The following SIPA1L2 variants were observed in gnomAD, a reference collection of about 807,000 sequenced individuals.
SIPA1L2 encodes the protein signal induced proliferation associated 1 like 2.
A neutral mutation model predicts 163.9 loss-of-function variants in SIPA1L2; 56 were observed. The observed-to-expected ratio is 0.34, with a 90% CI of 0.28 to 0.43. The LOEUF (loss-of-function observed/expected upper bound fraction) is 0.43. Ranked by LOEUF, SIPA1L2 falls within the 20% of genes least tolerant of loss-of-function variation. The probability of loss-of-function intolerance (pLI) is 1.00; values close to 1 mark genes in which losing one functional copy is unlikely to be tolerated. For missense variants in SIPA1L2, 1,974 were observed against 2,193.5 expected (o/e 0.90, Z 2.00); for synonymous variants, 877 against 865.7 (o/e 1.01, Z -0.23).
At chr1:232,455,273 T>C (rs1228431306) in intron 10 of SIPA1L2, among the ~76,000 whole-genome samples, 1 of 152,142 alleles carries the variant, frequency 6.6e-6, no homozygotes, top group Non-Finnish European at 1.5e-5. Flanking sequence ...TACAAATAAG[T>C]TGGAACTCGA....
In SIPA1L2 at chr1:232,606,296, CT is replaced by C. The variant is rs1350078957; in HGVS notation, c.-319+23572del. Among the ~76,000 whole-genome samples, 6 of 151,886 alleles carry C rather than the reference CT, an allele frequency of 4.0e-5. No individual in the cohort carries two copies. The East Asian group carries it at 9.6e-4, about 24-fold the overall frequency. ...TTAACAGGCGTGAAAGAGGAATGAA[CT>C]TTTTTTTGAGACCTCATAACTTACA... On this transcript the variant is annotated intron_variant, in intron 1 of 22. Coordinates refer to ENST00000674635, the MANE Select transcript of SIPA1L2 (RefSeq NM_020808.5).
In SIPA1L2 at chr1:232,461,039, C is replaced by A. The variant is rs371250467; in HGVS notation, c.2943G>T (p.Trp981Cys). 8.4e-5 allele frequency: 135 copies of A among 1,614,164 alleles called. No individual in the cohort carries two copies. The highest frequency in any genetic ancestry group is 1.0e-4 in the Non-Finnish European group (123 of 1,180,060). The change falls in exon 10 of 23, where the codon TGG (tryptophan) becomes TGT (cysteine). Residue 981 changes from tryptophan to cysteine, a missense_variant. Physicochemically the swap from Trp to Cys is radical, Grantham distance 215 (BLOSUM62 -2). This residue lies in a region of SIPA1L2 where 1,079 missense variants were observed against 1,150.7 expected (regional missense o/e 0.94). Coordinates refer to ENST00000674635, the MANE Select transcript of SIPA1L2 (RefSeq NM_020808.5). ...GGCTCCCTTGGCGAAGGCCAGCCTT[C>A]CAGGCAAAGCCAAAAGGTTCCACAT... ...VADVEPFGFA[W>C]KAGLRQGSRL...
intron 2 of SIPA1L2, among the ~76,000 whole-genome samples, chr1:232,553,198 T>G (rs1281627365): frequency 6.6e-6 from 1 of 152,116 alleles, no homozygotes; most frequent in African/African-American, 2.4e-5. Context: ...CATCTTCCCC[T>G]GGAGTTTGGC....
At chr1:232,578,826 A>C (rs1461954835) in intron 1 of SIPA1L2, among the ~76,000 whole-genome samples, 1 of 152,180 alleles carries the variant, frequency 6.6e-6, no homozygotes, top group African/African-American at 2.4e-5. Context: ...CAAATTCTTC[A>C]AGTAGCAATA....
At chr1:232,600,615 A>C (rs537197686) in intron 1 of SIPA1L2, among the ~76,000 whole-genome samples, 12 of 152,324 alleles carry the variant, frequency 7.9e-5, no homozygotes, top group Admixed American at 7.8e-4. Context: ...AAAAAAGATA[A>C]TAACCTAAAT....
At chr1:232,560,074 G>T (rs1478935189) in intron 2 of SIPA1L2, among the ~76,000 whole-genome samples, 2 of 152,146 alleles carry the variant, frequency 1.3e-5, no homozygotes, top group African/African-American at 4.8e-5. Context: ...TGGACTTTCA[G>T]GGCCCACAAA....
At chr1:232,463,686 AG>A (rs1263295714) in intron 9 of SIPA1L2, among the ~76,000 whole-genome samples, 1 of 152,206 alleles carries the variant, frequency 6.6e-6, no homozygotes, top group East Asian at 1.9e-4. Context: ...TATGCTAAAA[AG>A]AAGTATTTGC....
intron 2 of SIPA1L2, among the ~76,000 whole-genome samples, chr1:232,541,944 T>TCC (rs1657710056): frequency 6.6e-6 from 1 of 151,752 alleles, no homozygotes; most frequent in South Asian, 2.1e-4. Context: ...AATCTCTCTC[T>TCC]CTCTCTCTCT....
chr1:232,457,472 CACAT>C (rs1278484759), intron 10 of SIPA1L2, among the ~76,000 whole-genome samples: 1 of 152,062 alleles, frequency 6.6e-6, no homozygotes, highest in Non-Finnish European at 1.5e-5. Flanking sequence ...TATATATACA[CACAT>C]ACACACAGAA....
chr1:232,526,704 T>C (rs1297735764), intron 2 of SIPA1L2, among the ~76,000 whole-genome samples: 7 of 152,140 alleles, frequency 4.6e-5, no homozygotes, highest in Admixed American at 6.5e-5. Context: ...CTGCCCTGAG[T>C]TGATAACCCT....
At chr1:232,464,669 T>G (rs1664414180) in intron 9 of SIPA1L2, among the ~76,000 whole-genome samples, 171 bp downstream of exon 9, 1 of 152,234 alleles carries the variant, frequency 6.6e-6, no homozygotes, top group African/African-American at 2.4e-5. Context: ...ATTCATGTAT[T>G]CAACAACTCC....
At chr1:232,591,005 C>T (rs1342524896) in intron 1 of SIPA1L2, among the ~76,000 whole-genome samples, 3 of 152,162 alleles carry the variant, frequency 2.0e-5, no homozygotes, top group African/African-American at 4.8e-5. Context: ...AACGGAAAGC[C>T]GGGTAAATCA....
chr1:232,512,638 A>G (rs1198029768), intron 3 of SIPA1L2, among the ~76,000 whole-genome samples: 1 of 152,218 alleles, frequency 6.6e-6, no homozygotes, highest in African/African-American at 2.4e-5. Context: ...CAAACGCTGC[A>G]TGTTCTCACT....
chr1:232,466,889 C>T (rs1488399619), intron 8 of SIPA1L2, among the ~76,000 whole-genome samples: 1 of 152,134 alleles, frequency 6.6e-6, no homozygotes, highest in African/African-American at 2.4e-5. Flanking sequence ...ATTGAGAGCA[C>T]CCCAATTACT....
At chr1:232,464,793 G>T (rs1251308877) in intron 9 of SIPA1L2, 47 bp downstream of exon 9, 1 of 1,450,476 alleles carries the variant, frequency 6.9e-7, no homozygotes, top group Non-Finnish European at 9.3e-7. Context: ...TTTGAATCTG[G>T]AATTGAAAAC....
At position 232,514,949 on chromosome 1, in the gene SIPA1L2, C is replaced by T. The variant is rs780925207; in HGVS notation, c.391G>A (p.Asp131Asn). 1.1e-5 allele frequency: 18 copies of T among 1,613,962 alleles called. No homozygotes were observed. Among genetic ancestry groups the T allele is most frequent in the African/African-American group, 5.3e-5 (4 of 74,914 alleles). The part of the protein sequence containing the change: ...QSEGQQDEQL[D>N]LDFVEAKYTI... Reference sequence around the variant, plus strand: ...TACTTGGCCTCCACGAAGTCCAGATCGAGCTGTTCATCTTGCTGACCTTCA... The same window carrying T: ...TACTTGGCCTCCACGAAGTCCAGATTGAGCTGTTCATCTTGCTGACCTTCA... Residue 131 changes from aspartate to asparagine, a missense_variant, in exon 3 of 23, where the codon GAT (aspartate) becomes AAT (asparagine). Transcript: ENST00000674635.
intron 3 of SIPA1L2, among the ~76,000 whole-genome samples, chr1:232,493,902 C>A (rs189258190): frequency 2.6e-4 from 40 of 152,284 alleles, no homozygotes; most frequent in African/African-American, 9.1e-4. Flanking sequence ...GCAAAAGCCT[C>A]CCTAACCCAA....
intron 2 of SIPA1L2, among the ~76,000 whole-genome samples, chr1:232,519,875 A>G (rs914353452): frequency 3.9e-5 from 6 of 152,170 alleles, no homozygotes; most frequent in Non-Finnish European, 7.4e-5. Flanking sequence ...AGTTAAATGG[A>G]CTCATACTTC....
chr1:232,564,754 G>C (rs1364860560), intron 2 of SIPA1L2, among the ~76,000 whole-genome samples: 1 of 152,096 alleles, frequency 6.6e-6, no homozygotes, highest in Non-Finnish European at 1.5e-5. Context: ...TCTTCTCCCA[G>C]AAGTATTAAT....
Sources: allele counts gnomAD v4.1 joint callset (sites outside exome capture counted in the v4.1 genomes callset), GRCh38; gene constraint gnomAD v4.1.1; regional missense constraint gnomAD v4.1.1; transcripts MANE v1.5; gene names NCBI Gene and HGNC (gene_info 2026-07-23, HGNC 2026-07-21).